Variants in RBCK1 observed in about 807,000 individuals in gnomAD.
RBCK1 encodes the protein ranBP-type and C3HC4-type zinc finger-containing protein 1.
RBCK1 carries 44 observed loss-of-function variants against 71.1 expected under a neutral mutation model. The observed-to-expected ratio is 0.62, with a 90% CI of 0.49 to 0.80. The LOEUF (loss-of-function observed/expected upper bound fraction) is 0.80, where lower values mean the gene tolerates loss of function less well. Ranked by LOEUF, RBCK1 falls within the 30% of genes least tolerant of loss-of-function variation. RBCK1 has a pLI of 0.00. For missense variants in RBCK1, 569 were observed against 685.0 expected (o/e 0.83, Z 1.89); for synonymous variants, 306 against 279.7 (o/e 1.09, Z -0.94).
In RBCK1 at chr20:422,778, G is replaced by GTTGTGA. The variant is rs1354941859; in HGVS notation, c.1029+540_1029+541insTTGTGA. Among the ~76,000 whole-genome samples the GTTGTGA allele has an allele frequency of 2.6e-5, 4 of 152,116 alleles. No individual in the cohort carries two copies. The highest frequency in any genetic ancestry group is 1.3e-4 in the Admixed American group (2 of 15,272). On this transcript the variant is annotated intron_variant, in intron 8 of 11. Transcript: ENST00000356286. This position sits in a 1 kb window ranked among gnomAD's most constrained non-coding sequence, Gnocchi z 5.0. ...AGCCTAGGAAGTAAGGTTGCAGTGA[G>GTTGTGA]CTGTGATTGTGCCACTGCACTCCAG... is the stretch of plus-strand genomic sequence containing the variant.
chr20:417,780 G>C lies in RBCK1; in HGVS notation c.310G>C (p.Gly104Arg). The C allele has an allele frequency of 6.2e-7, 1 of 1,614,074 alleles. No homozygotes were observed. The highest frequency in any genetic ancestry group is 8.5e-7 in the Non-Finnish European group (1 of 1,179,972). The change falls in exon 4 of 12, where the codon GGG (glycine) becomes CGG (arginine). Residue 104 changes from glycine (G) to arginine (R), a missense_variant. Physicochemically the swap from Gly to Arg is moderately radical, Grantham distance 125. Coordinates refer to ENST00000356286, the MANE Select transcript of RBCK1 (RefSeq NM_031229.4). The surrounding 1 kb of genome is among the most constrained non-coding windows in gnomAD (Gnocchi z 4.7). ...FPPVLQQWVI[G>R]QRLARDQETL... is the part of the protein sequence containing the mutation. ...ACCAGTCTTGCAGCAGTGGGTGATTGGGCAGCGGCTGGCACGAGACCAGGA... is the reference window on the plus strand; with the variant it reads ...ACCAGTCTTGCAGCAGTGGGTGATTCGGCAGCGGCTGGCACGAGACCAGGA...
intron 2 of RBCK1, among the ~76,000 whole-genome samples, chr20:413,364 G>C (rs1163161518): frequency 6.6e-6 from 1 of 151,866 alleles, no homozygotes; most frequent in East Asian, 1.9e-4. Flanking sequence ...TGAATCTGTA[G>C]ATCATTGGCC....
intron 6 of RBCK1, chr20:420,193 G>T: frequency 1.0e-6 from 1 of 985,170 alleles, no homozygotes; most frequent in Non-Finnish European, 1.2e-6. Context: ...CTCTCGGGCT[G>T]GGCCCACCCC....
chr20:428,915 A>C lies in RBCK1; in HGVS notation c.1309-36A>C. ...AGGGGCCAGGCTGGGTGACTGCCCC[A>C]GCCCCGCCCCAGGGCCAGCACCTGC... On this transcript the variant is annotated intron_variant, in intron 10 of 11. Coordinates refer to ENST00000356286, the MANE Select transcript of RBCK1 (RefSeq NM_031229.4). This position sits in a 1 kb window ranked among gnomAD's most constrained non-coding sequence, Gnocchi z 5.7. The C allele has an allele frequency of 6.3e-7, 1 of 1,576,834 alleles. No homozygotes were observed. Among genetic ancestry groups the C allele is most frequent in the Non-Finnish European group, 8.6e-7 (1 of 1,166,360 alleles).
In RBCK1 at chr20:428,975, A is replaced by G. The variant is rs372983302; in HGVS notation, c.1333A>G (p.Met445Val). 9.9e-6 allele frequency: 16 copies of G among 1,610,694 alleles called. No homozygotes were observed. In the African/African-American group the frequency reaches 1.6e-4, roughly 16 times the overall value. The part of the protein sequence containing the change: ...LKVMLQQGEA[M>V]RCPQCQIVVQ... ...GGTGATGCTGCAGCAGGGCGAGGCCATGCGCTGCCCCCAGTGCCAGATCGT... is the reference window on the plus strand; with the variant it reads ...GGTGATGCTGCAGCAGGGCGAGGCCGTGCGCTGCCCCCAGTGCCAGATCGT... Residue 445 changes from methionine (M) to valine (V), a missense_variant, in exon 11 of 12, where the codon ATG (methionine) becomes GTG (valine). Met to Val is a conservative substitution (Grantham distance 21, BLOSUM62 1). Transcript: ENST00000356286. This position sits in a 1 kb window ranked among gnomAD's most constrained non-coding sequence, Gnocchi z 5.7.
chr20:428,750 C>T lies in RBCK1; in HGVS notation c.1308+161C>T. 1.4e-6 allele frequency: 2 copies of T among 1,399,964 alleles called. No individual in the cohort carries two copies. The highest frequency in any genetic ancestry group is 1.5e-5 in the South Asian group (1 of 65,822). 86.7% of individuals were successfully genotyped at this position (1,399,964 alleles called of 1,614,324 possible). A position where few individuals can be genotyped will look rare whatever the true frequency, so the allele number is the denominator to read the frequency against. On this transcript the variant is annotated intron_variant, in intron 10 of 11. Transcript: ENST00000356286. This position sits in a 1 kb window ranked among gnomAD's most constrained non-coding sequence, Gnocchi z 5.7. ...GGAGGTGGGACTTAGGCCGAATGGT[C>T]ATGTCAGGAAGAGCGTCTGGGTGGA...
At chr20:409,798 G>T in intron 1 of RBCK1, 83 bp from the exon 2 acceptor site, 2 of 1,539,398 alleles carry the variant, frequency 1.3e-6, no homozygotes, top group Non-Finnish European at 8.8e-7. Flanking sequence ...ACACACAAAG[G>T]ATCGCCTCCT....
rs986640321 is a variant in RBCK1, at chr20:422,659, T to C, written c.1029+421T>C. 2.0e-5 allele frequency among the ~76,000 whole-genome samples: 3 copies of C among 151,872 alleles called. No individual in the cohort carries two copies. Among genetic ancestry groups the C allele is most frequent in the Non-Finnish European group, 4.4e-5 (3 of 67,974 alleles). The stretch of plus-strand genomic sequence containing the variant: ...AACCTGGGCAACATGGCAAAAAATA[T>C]TCAAAAAATAGCCAGGCGCGGGGGC... On this transcript the variant is annotated intron_variant, in intron 8 of 11. Transcript: ENST00000356286. The surrounding 1 kb of genome is among the most constrained non-coding windows in gnomAD (Gnocchi z 5.0).
chr20:429,017 G>T lies in RBCK1; in HGVS notation c.1375G>T (p.Gly459Cys), dbSNP rs911117142. ...QCQIVVQKKD[G>C]CDWIRCTVCH... The stretch of plus-strand genomic sequence containing the variant: ...CCAGATCGTGGTACAGAAGAAGGAC[G>T]GCTGCGACTGGATCCGCTGCACCGT... Residue 459 changes from glycine (G) to cysteine (C), a missense_variant, in exon 11 of 12, where the codon GGC (glycine) becomes TGC (cysteine). Gly to Cys is a radical substitution (Grantham distance 159). Around this residue, in one of 2 missense-constraint regions of RBCK1, gnomAD observed 211 missense variants for 309.4 expected, o/e 0.68. Transcript: ENST00000356286. 6.2e-7 allele frequency: 1 copy of T among 1,612,382 alleles called. No homozygotes were observed. The highest frequency in any genetic ancestry group is 8.5e-7 in the Non-Finnish European group (1 of 1,179,926).
intron 8 of RBCK1, among the ~76,000 whole-genome samples, chr20:425,953 ATAAAGT>A (rs2016691210): frequency 1.3e-5 from 2 of 152,144 alleles, no homozygotes; most frequent in South Asian, 4.1e-4. Context: ...TTTTCTTGGG[ATAAAGT>A]TAAAGAAGTG....
At chr20:418,041 G>A (rs1279229142) in intron 4 of RBCK1, 111 bp downstream of exon 4, 1 of 1,103,422 alleles carries the variant, frequency 9.1e-7, no homozygotes. Flanking sequence ...GACTCACCCA[G>A]AGGACCCTAT....
At chr20:408,819 G>T in intron 1 of RBCK1, 40 bp downstream of exon 1, 1 of 1,597,182 alleles carries the variant, frequency 6.3e-7, no homozygotes, top group Admixed American at 1.7e-5. Flanking sequence ...CTTCCGGTGG[G>T]AAGTGGGCCC....
Position 417,248 on chromosome 20 carries a change from G to T in RBCK1, c.168-278G>T, listed in dbSNP as rs1400257687. On this transcript the variant is annotated intron_variant, in intron 2 of 11. Transcript: ENST00000356286. This position sits in a 1 kb window ranked among gnomAD's most constrained non-coding sequence, Gnocchi z 4.7. ...CAGGGGAGAGAAGACAGAAGAGGTT[G>T]GAGAGGTCAGGGAGGTGCCAGATCA... 1.5e-6 allele frequency: 1 copy of T among 645,346 alleles called. No individual in the cohort carries two copies. Among genetic ancestry groups the T allele is most frequent in the Middle Eastern group, 2.6e-4 (1 of 3,868 alleles). 40.0% of individuals were successfully genotyped at this position (645,346 alleles called of 1,614,324 possible). A position where few individuals can be genotyped will look rare whatever the true frequency, so the allele number is the denominator to read the frequency against.
At position 419,021 on chromosome 20, in the gene RBCK1, G is replaced by A. The variant is rs565886268; in HGVS notation, c.461-326G>A. Among the ~76,000 whole-genome samples the A allele has an allele frequency of 3.9e-5, 6 of 152,312 alleles. No homozygotes were observed. The East Asian group carries it at 1.2e-3, about 29-fold the overall frequency. On this transcript the variant is annotated intron_variant, in intron 4 of 11. Coordinates refer to ENST00000356286, the MANE Select transcript of RBCK1 (RefSeq NM_031229.4). ...GGGGTTGGGGGCTGATGTTTCCTCCGGAGTGGATCAAGTCACTGTTTTGGC... is the reference window on the plus strand; with the variant it reads ...GGGGTTGGGGGCTGATGTTTCCTCCAGAGTGGATCAAGTCACTGTTTTGGC...
Position 427,494 on chromosome 20 carries a change from T to TA in RBCK1, c.1209+2_1209+3insA, listed in dbSNP as rs774461310. The TA allele has an allele frequency of 5.7e-5, 92 of 1,612,732 alleles. No individual in the cohort carries two copies. Among genetic ancestry groups the TA allele is most frequent in the Non-Finnish European group, 7.6e-5 (90 of 1,179,876 alleles). On this transcript the variant is annotated splice_region_variant and intron_variant, in intron 9 of 11. Transcript: ENST00000356286. ...CACGTCAACTGCCTGCTCTGCAAGG[T>TA]GGGGCCTGCAGGGACTCCCCCCACC...
At position 430,005 on chromosome 20, in the gene RBCK1, G is replaced by A. The variant is rs376202580; in HGVS notation, c.1453-345G>A. On this transcript the variant is annotated intron_variant, in intron 11 of 11. Coordinates refer to ENST00000356286, the MANE Select transcript of RBCK1 (RefSeq NM_031229.4). This position sits in a 1 kb window ranked among gnomAD's most constrained non-coding sequence, Gnocchi z 5.6. ...AGCACCCTTGCAGATGGTAGCTGTCGTTATTAGGGGTGTGCTCTGGAATTG... is the reference window on the plus strand; with the variant it reads ...AGCACCCTTGCAGATGGTAGCTGTCATTATTAGGGGTGTGCTCTGGAATTG... Among the ~76,000 whole-genome samples, 14 of 152,328 alleles carry A rather than the reference G, an allele frequency of 9.2e-5. No individual in the cohort carries two copies. The East Asian group carries it at 9.6e-4, about 10-fold the overall frequency.
intron 4 of RBCK1, among the ~76,000 whole-genome samples, chr20:418,591 A>C (rs757075589): frequency 2.0e-5 from 3 of 151,992 alleles, no homozygotes; most frequent in East Asian, 3.9e-4. Flanking sequence ...GATGGTCTCG[A>C]TCTCCTGACT....
In RBCK1 at chr20:428,969, G is replaced by A. The variant is rs765131022; in HGVS notation, c.1327G>A (p.Glu443Lys). Residue 443 changes from glutamate to lysine, a missense_variant, in exon 11 of 12, where the codon GAG (glutamate) becomes AAG (lysine). Coordinates refer to ENST00000356286, the MANE Select transcript of RBCK1 (RefSeq NM_031229.4). This position sits in a 1 kb window ranked among gnomAD's most constrained non-coding sequence, Gnocchi z 5.7. ...ACTCCAGGTGATGCTGCAGCAGGGC[G>A]AGGCCATGCGCTGCCCCCAGTGCCA... The part of the protein sequence containing the change: ...EMLKVMLQQG[E>K]AMRCPQCQIV... 5.0e-6 allele frequency: 8 copies of A among 1,609,886 alleles called. No homozygotes were observed. The highest frequency in any genetic ancestry group is 3.3e-5 in the Admixed American group (2 of 59,952).
At chr20:415,430 G>A (rs1433261773) in intron 2 of RBCK1, among the ~76,000 whole-genome samples, 4 of 152,070 alleles carry the variant, frequency 2.6e-5, no homozygotes, top group African/African-American at 9.7e-5. Flanking sequence ...AAAGGAATAA[G>A]AATTCCTTAA....
Sources: allele counts gnomAD v4.1 joint callset (sites outside exome capture counted in the v4.1 genomes callset), GRCh38; gene constraint gnomAD v4.1.1; regional missense constraint gnomAD v4.1.1; non-coding constraint Gnocchi (gnomAD v3.1); transcripts MANE v1.5; gene names NCBI Gene and HGNC (gene_info 2026-07-23, HGNC 2026-07-21).